The following BRF1 variants were observed in gnomAD, a reference collection of about 807,000 sequenced individuals.
The protein encoded by BRF1 is transcription factor IIIB 90 kDa subunit.
BRF1 carries 59 observed loss-of-function variants against 81.7 expected under a neutral mutation model. The ratio of observed to expected loss-of-function variants is 0.72; its 90% CI spans 0.59 to 0.90. The LOEUF (loss-of-function observed/expected upper bound fraction) is 0.90. Among genes scored for constraint, BRF1 ranks in the 40% least tolerant of loss-of-function variants. The probability of loss-of-function intolerance (pLI) is 0.00; values close to 1 mark genes in which losing one functional copy is unlikely to be tolerated. For synonymous variants in BRF1, 491 were observed against 395.6 expected (o/e 1.24, Z -2.86); for missense variants, 1,050 against 936.3 (o/e 1.12, Z -1.58).
intron 6 of BRF1, 58 bp downstream of exon 6, chr14:105,241,207 G>C (rs946578221): frequency 1.9e-6 from 3 of 1,592,168 alleles, no homozygotes; most frequent in African/African-American, 1.3e-5. Context: ...CAGGAGTCAG[G>C]AAAGTGTGAG....
At chr14:105,211,930 G>T in intron 16 of BRF1, 183 bp downstream of exon 16, 1 of 849,024 alleles carries the variant, frequency 1.2e-6, no homozygotes, top group Non-Finnish European at 1.8e-6. Flanking sequence ...TCCTGCTCCG[G>T]CAACCGGGAG....
At chr14:105,213,049 G>A (rs1231152508) in intron 15 of BRF1, 1 of 152,218 alleles carries the variant, frequency 6.6e-6, no homozygotes, top group East Asian at 1.9e-4. Flanking sequence ...TGGACACCAG[G>A]GCTCCTGGTG....
intron 5 of BRF1, chr14:105,248,580 G>GGCGA (rs1233048836): frequency 2.3e-6 from 2 of 878,156 alleles, no homozygotes; most frequent in African/African-American, 1.9e-5. Context: ...CGGGCGGGCG[G>GGCGA]GCGGGCGGGA....
At chr14:105,211,951 C>A (rs920092942) in intron 16 of BRF1, 162 bp downstream of exon 16, 4 of 1,065,808 alleles carry the variant, frequency 3.8e-6, no homozygotes, top group African/African-American at 3.2e-5. Flanking sequence ...CTCCCACCCT[C>A]GGGCCTCGAT....
At chr14:105,293,988 G>A (rs999663299) in intron 1 of BRF1, among the ~76,000 whole-genome samples, 8 of 152,258 alleles carry the variant, frequency 5.3e-5, no homozygotes, top group Non-Finnish European at 1.2e-4. Context: ...TGAAGCTGGA[G>A]GAAGGGGCGG....
At chr14:105,279,528 CTA>C (rs71129285) in intron 2 of BRF1, among the ~76,000 whole-genome samples, 13,982 of 152,236 alleles carry the variant, frequency 0.092, 873 homozygotes, top group Admixed American at 0.16. Flanking sequence ...ACCAGAAAGA[CTA>C]CAACTGGAAA....
Position 105,220,121 on chromosome 14 carries a change from G to A in BRF1, c.1325C>T (p.Ser442Leu). 4 of 1,613,508 alleles carry A rather than the reference G, an allele frequency of 2.5e-6. No homozygotes were observed. Among genetic ancestry groups the A allele is most frequent in the Non-Finnish European group, 2.5e-6 (3 of 1,180,026 alleles). The change falls in exon 12 of 18, where the codon TCA (serine) becomes TTA (leucine). Residue 442 changes from serine to leucine, a missense_variant. Ser to Leu is a moderately radical substitution (Grantham distance 145). Transcript: ENST00000547530. ...SSQSSDPKDA[S>L]GDGELDLSGI... ...ACTGAGGTCCAGCTCACCGTCTCCT[G>A]AAGCATCTTCTGGAGGGAAGCACAG...
At chr14:105,213,651 G>C (rs943644342) in intron 15 of BRF1, among the ~76,000 whole-genome samples, 1 of 151,980 alleles carries the variant, frequency 6.6e-6, no homozygotes. Context: ...CTGGCACTGA[G>C]GACAGGCTGA....
chr14:105,281,343 CA>C (rs2057092022), intron 2 of BRF1, among the ~76,000 whole-genome samples: 1 of 141,706 alleles, frequency 7.1e-6, no homozygotes, highest in Non-Finnish European at 1.5e-5. Context: ...ATCCTGAGCC[CA>C]GGTGTGCGGA....
chr14:105,312,810 C>T (rs1331094498), intron 1 of BRF1, among the ~76,000 whole-genome samples: 1 of 152,208 alleles, frequency 6.6e-6, no homozygotes, highest in Non-Finnish European at 1.5e-5. Flanking sequence ...CAAACATAAA[C>T]GTGGTCGCAG....
In BRF1 at chr14:105,221,699, C is replaced by G. The variant is rs1447477202; in HGVS notation, c.1264G>C (p.Gly422Arg). 6.2e-7 allele frequency: 1 copy of G among 1,611,698 alleles called. No individual in the cohort carries two copies. The highest frequency in any genetic ancestry group is 1.1e-5 in the South Asian group (1 of 91,014). ...LDPLPTAASLGISDSIRECIS... is the reference protein window; with the variant it reads ...LDPLPTAASLRISDSIRECIS... ...CATTCGCGGATGGAGTCTGAGATGC[C>G]CAGGCTGGCTGCAGTGGGGAGGGGG... is the stretch of plus-strand genomic sequence containing the variant. Residue 422 changes from glycine (G) to arginine (R), a missense_variant, in exon 11 of 18, where the codon GGC becomes CGC. Transcript: ENST00000547530.
At position 105,209,389 on chromosome 14, in the gene BRF1, C is replaced by A; in HGVS notation, c.*1162G>T. 1.6e-6 allele frequency: 1 copy of A among 630,534 alleles called. No individual in the cohort carries two copies. Among genetic ancestry groups the A allele is most frequent in the Non-Finnish European group, 2.9e-6 (1 of 346,150 alleles). 39.1% of individuals were successfully genotyped at this position (630,534 alleles called of 1,614,324 possible). A position where few individuals can be genotyped will look rare whatever the true frequency, so the allele number is the denominator to read the frequency against. Reference sequence around the variant, plus strand: ...CCCAGGCTGGCTACTGAGCTCTGGGCGGGGGTAGGGGGGTCTGGCCTGCTG... The same window carrying A: ...CCCAGGCTGGCTACTGAGCTCTGGGAGGGGGTAGGGGGGTCTGGCCTGCTG... On this transcript the variant is annotated 3_prime_UTR_variant, in exon 18 of 18. Transcript: ENST00000547530.
intron 2 of BRF1, among the ~76,000 whole-genome samples, chr14:105,275,691 C>T (rs1408347002): frequency 6.6e-6 from 1 of 152,258 alleles, no homozygotes; most frequent in Non-Finnish European, 1.5e-5. Flanking sequence ...CCCACAGGCA[C>T]CAGCTCGTGT....
At chr14:105,292,830 C>A (rs1284561456) in intron 1 of BRF1, among the ~76,000 whole-genome samples, 1 of 151,930 alleles carries the variant, frequency 6.6e-6, no homozygotes, top group Non-Finnish European at 1.5e-5. Flanking sequence ...CAGGAGCAAC[C>A]CTTTCCCAGG....
In BRF1 at chr14:105,221,326, G is replaced by A. The variant is rs587685490; in HGVS notation, c.1315+322C>T. Among the ~76,000 whole-genome samples, 4 of 152,326 alleles carry A rather than the reference G, an allele frequency of 2.6e-5. No homozygotes were observed. In the East Asian group the frequency reaches 7.7e-4, roughly 29 times the overall value. On this transcript the variant is annotated intron_variant, in intron 11 of 17. Transcript: ENST00000547530. ...GACCATGTTGGACAAGCGGATGAGG[G>A]GTGGAGCTGCCCCATGGGACTCCTG...
chr14:105,295,074 C>T (rs1261692380), intron 1 of BRF1, among the ~76,000 whole-genome samples: 1 of 152,062 alleles, frequency 6.6e-6, no homozygotes, highest in Non-Finnish European at 1.5e-5. Flanking sequence ...CGTTTCCCAA[C>T]CCATTCCATA....
chr14:105,256,445 C>T (rs587754416), intron 4 of BRF1, 73 bp downstream of exon 4: 23 of 1,613,684 alleles, frequency 1.4e-5, no homozygotes, highest in Admixed American at 8.3e-5. Flanking sequence ...GGGTACACCC[C>T]GGTCACAACC....
chr14:105,301,472 G>A (rs1419241175), upstream of BRF1, among the ~76,000 whole-genome samples: 1 of 151,814 alleles, frequency 6.6e-6, no homozygotes, highest in Non-Finnish European at 1.5e-5. Flanking sequence ...GGCTCCTGAG[G>A]GCGACCTGGG....
At chr14:105,241,082 C>A (rs1385086284) in intron 6 of BRF1, among the ~76,000 whole-genome samples, 183 bp downstream of exon 6, 2 of 152,232 alleles carry the variant, frequency 1.3e-5, no homozygotes, top group Admixed American at 6.5e-5. Flanking sequence ...GCCAACGGGG[C>A]AGCCAGGAGG....
Sources: allele counts gnomAD v4.1 joint callset (sites outside exome capture counted in the v4.1 genomes callset), GRCh38; gene constraint gnomAD v4.1.1; transcripts MANE v1.5; gene names NCBI Gene and HGNC (gene_info 2026-07-23, HGNC 2026-07-21).